The following SLC12A3 variants were observed in gnomAD, a reference collection of about 807,000 sequenced individuals.
The protein encoded by SLC12A3 is solute carrier family 12 member 3.
SLC12A3 carries 104 observed loss-of-function variants against 121.0 expected under a neutral mutation model. That is an observed-to-expected ratio of 0.86 (90% CI 0.73 to 1.01). The LOEUF (loss-of-function observed/expected upper bound fraction) is 1.01. Ranked by LOEUF, SLC12A3 falls within the 50% of genes least tolerant of loss-of-function variation. The pLI is 0.00. For missense variants in SLC12A3, 1,328 were observed against 1,356.3 expected (o/e 0.98, Z 0.33); for synonymous variants, 536 against 533.4 (o/e 1.00, Z -0.07).
intron 22 of SLC12A3, among the ~76,000 whole-genome samples, chr16:56,898,249 A>AT (rs1369668982): frequency 2.8e-5 from 4 of 142,586 alleles, no homozygotes; most frequent in Admixed American, 7.0e-5. Flanking sequence ...TGTTAGTTTG[A>AT]TTTGGTTTTG....
At chr16:56,888,648 T>G (rs1390316043) in intron 18 of SLC12A3, among the ~76,000 whole-genome samples, 1 of 125,478 alleles carries the variant, frequency 8.0e-6, no homozygotes, top group Non-Finnish European at 1.6e-5. Flanking sequence ...AAGCTCCGCC[T>G]CCCGGGTTCA....
At chr16:56,887,159 G>T in intron 17 of SLC12A3, 66 bp downstream of exon 17, 1 of 1,606,980 alleles carries the variant, frequency 6.2e-7, no homozygotes, top group East Asian at 2.2e-5. Context: ...AAGGCAGAAA[G>T]TCTTGGCGGC....
Position 56,870,262 on chromosome 16 carries a change from T to A in SLC12A3, c.741+27T>A, listed in dbSNP as rs747952309. 81 of 1,608,120 alleles carry A rather than the reference T, an allele frequency of 5.0e-5. No homozygotes were observed. The East Asian group carries it at 1.8e-3, about 35-fold the overall frequency. ...TGAGGCCGGGGGGCTGGACCCTGGGTAGAGGGATCCGGGCAGCCCATTGCA... is the reference window on the plus strand; with the variant it reads ...TGAGGCCGGGGGGCTGGACCCTGGGAAGAGGGATCCGGGCAGCCCATTGCA... On this transcript the variant is annotated intron_variant, in intron 5 of 25. Transcript: ENST00000563236.
chr16:56,905,832 T>C (rs2055601332), intron 25 of SLC12A3, among the ~76,000 whole-genome samples: 1 of 152,198 alleles, frequency 6.6e-6, no homozygotes. Flanking sequence ...TGATCATTGA[T>C]GTAGACAGAT....
intron 25 of SLC12A3, among the ~76,000 whole-genome samples, chr16:56,910,263 T>C (rs2055667852): frequency 7.4e-6 from 1 of 134,306 alleles, no homozygotes; most frequent in Non-Finnish European, 1.5e-5. Context: ...AACCTCTTTG[T>C]TTTTTTTTGT....
chr16:56,904,354 C>T (rs1474451360), intron 24 of SLC12A3, 41 bp from the exon 25 acceptor site: 14 of 1,590,098 alleles, frequency 8.8e-6, no homozygotes, highest in Admixed American at 1.7e-5. Flanking sequence ...TGAGTGACCT[C>T]GATGATATGG....
chr16:56,866,099 C>T (rs1964348822), intron 1 of SLC12A3, among the ~76,000 whole-genome samples: 1 of 151,828 alleles, frequency 6.6e-6, no homozygotes, highest in African/African-American at 2.4e-5. Context: ...GATTCTCCTG[C>T]CTCAGCCTCC....
chr16:56,867,139 G>A lies in SLC12A3; in HGVS notation c.352G>A (p.Val118Met), dbSNP rs1230294034. Residue 118 changes from valine to methionine, a missense_variant, in exon 2 of 26, where the codon GTG becomes ATG. Coordinates refer to ENST00000563236, the MANE Select transcript of SLC12A3 (RefSeq NM_001126108.2). ...CAGCCACGAGATGACTGATGGGCTG[G>A]TGGAGGGCGAGGCAGGCACCAGCAG... ...RPSHEMTDGL[V>M]EGEAGTSSEK... 1 of 1,613,974 alleles carries A rather than the reference G, an allele frequency of 6.2e-7. No individual in the cohort carries two copies. The highest frequency in any genetic ancestry group is 8.5e-7 in the Non-Finnish European group (1 of 1,180,014).
At chr16:56,876,029 C>T (rs907043786) in intron 8 of SLC12A3, among the ~76,000 whole-genome samples, 31 of 152,020 alleles carry the variant, frequency 2.0e-4, no homozygotes, top group African/African-American at 5.1e-4. Context: ...GCTAAAAGTC[C>T]GGGATCCAGG....
chr16:56,882,232 C>A (rs1456904698), intron 12 of SLC12A3, among the ~76,000 whole-genome samples, 164 bp from the exon 13 acceptor site: 2 of 152,048 alleles, frequency 1.3e-5, no homozygotes, highest in African/African-American at 4.8e-5. Context: ...AAAGGATGGA[C>A]CCATCTCACA....
chr16:56,888,061 G>C (rs374479507), intron 18 of SLC12A3, 30 bp downstream of exon 18: 1 of 1,549,262 alleles, frequency 6.5e-7, no homozygotes, highest in African/African-American at 1.4e-5. Flanking sequence ...GGGGCTTGGG[G>C]TCTGTTAATT....
Position 56,872,416 on chromosome 16 carries a change from C to G in SLC12A3, c.918C>G (p.Ile306Met), listed in dbSNP as rs1206888240. 1 of 1,613,980 alleles carries G rather than the reference C, an allele frequency of 6.2e-7. No individual in the cohort carries two copies. Among genetic ancestry groups the G allele is most frequent in the East Asian group, 2.2e-5 (1 of 44,876 alleles). ...CCAACTATTTAGTGGGGACGCTGATCCCCCCATCTGAGGACAAGGCCTCCA... is the reference window on the plus strand; with the variant it reads ...CCAACTATTTAGTGGGGACGCTGATGCCCCCATCTGAGGACAAGGCCTCCA... ...SFANYLVGTL[I>M]PPSEDKASKG... is the part of the protein sequence containing the mutation. Residue 306 changes from isoleucine to methionine, a missense_variant, in exon 7 of 26, where the codon ATC becomes ATG. Coordinates refer to ENST00000563236, the MANE Select transcript of SLC12A3 (RefSeq NM_001126108.2).
chr16:56,870,090 T>C lies in SLC12A3; in HGVS notation c.602-6T>C. The C allele has an allele frequency of 1.2e-6, 2 of 1,612,770 alleles. No individual in the cohort carries two copies. Among genetic ancestry groups the C allele is most frequent in the Non-Finnish European group, 8.5e-7 (1 of 1,180,038 alleles). ...GGTTTCATGGTTCCCGGCTCTGCCC[T>C]GATAGGTGGCACCTACTTCCTCATC... On this transcript the variant is annotated splice_polypyrimidine_tract_variant and splice_region_variant and intron_variant, in intron 4 of 25. Coordinates refer to ENST00000563236, the MANE Select transcript of SLC12A3 (RefSeq NM_001126108.2).
At chr16:56,899,983 C>T (rs112425027) in intron 23 of SLC12A3, among the ~76,000 whole-genome samples, 4 of 152,336 alleles carry the variant, frequency 2.6e-5, no homozygotes, top group African/African-American at 9.6e-5. Flanking sequence ...ATGGCAGGTT[C>T]AGCAGGGACT....
At chr16:56,905,423 G>A (rs1388849037) in intron 25 of SLC12A3, among the ~76,000 whole-genome samples, 11 of 150,604 alleles carry the variant, frequency 7.3e-5, no homozygotes, top group Admixed American at 1.3e-4. Context: ...AGGGGTCTTC[G>A]CCAAGGTAAG....
chr16:56,870,056 G>T, intron 4 of SLC12A3, 40 bp from the exon 5 acceptor site: 2 of 1,608,618 alleles, frequency 1.2e-6, no homozygotes, highest in South Asian at 1.1e-5. Context: ...CCAGCCAACC[G>T]ACTCATCTGG....
chr16:56,907,927 G>C (rs2055628961), intron 25 of SLC12A3, among the ~76,000 whole-genome samples: 1 of 152,142 alleles, frequency 6.6e-6, no homozygotes, highest in African/African-American at 2.4e-5. Flanking sequence ...CTATGTGCCA[G>C]TAGACAGTAG....
intron 10 of SLC12A3, 61 bp downstream of exon 10, chr16:56,879,288 C>A: frequency 6.2e-7 from 1 of 1,602,428 alleles, no homozygotes; most frequent in Non-Finnish European, 8.5e-7. Flanking sequence ...CTGCAGGGCC[C>A]CTTGCAGGCC....
chr16:56,879,710 T>G, intron 11 of SLC12A3, 61 bp downstream of exon 11: 1 of 1,253,238 alleles, frequency 8.0e-7, no homozygotes, highest in South Asian at 1.2e-5. Context: ...AGAGGCACAA[T>G]AGGGCGGGTC....
Sources: allele counts gnomAD v4.1 joint callset (sites outside exome capture counted in the v4.1 genomes callset), GRCh38; gene constraint gnomAD v4.1.1; transcripts MANE v1.5; gene names NCBI Gene and HGNC (gene_info 2026-07-23, HGNC 2026-07-21).